The following ABCA12 variants were observed in gnomAD, a reference collection of about 807,000 sequenced individuals.
ABCA12 encodes the protein ATP binding cassette subfamily A member 12.
A neutral mutation model predicts 293.5 loss-of-function variants in ABCA12; 156 were observed. The ratio of observed to expected loss-of-function variants is 0.53; its 90% CI spans 0.47 to 0.61. The LOEUF is 0.61. Ranked by LOEUF, ABCA12 falls within the 20% of genes least tolerant of loss-of-function variation. The probability of loss-of-function intolerance (pLI) is 0.00; values close to 1 mark genes in which losing one functional copy is unlikely to be tolerated. For synonymous variants in ABCA12, 1,063 were observed against 1,108.0 expected (o/e 0.96, Z 0.81); for missense variants, 2,797 against 3,090.2 (o/e 0.91, Z 2.25).
chr2:215,052,437 A>G, intron 5 of ABCA12, 50 bp downstream of exon 5: 3 of 1,451,146 alleles, frequency 2.1e-6, no homozygotes, highest in Admixed American at 3.4e-5. Context: ...TATTAACCTA[A>G]AAGGCCTATG....
chr2:214,998,944 T>C (rs1420655594), intron 22 of ABCA12, among the ~76,000 whole-genome samples: 1 of 152,190 alleles, frequency 6.6e-6, no homozygotes, highest in East Asian at 1.9e-4. Flanking sequence ...TTTCCTTTTT[T>C]AATCTACAAG....
At chr2:215,075,687 A>G (rs1701821388) in intron 2 of ABCA12, 4 of 620,068 alleles carry the variant, frequency 6.5e-6, no homozygotes, top group South Asian at 3.8e-5. Context: ...AAATCAAAAT[A>G]TAATTTTGAT....
chr2:215,016,452 G>A (rs1219220390), intron 14 of ABCA12, among the ~76,000 whole-genome samples: 2 of 150,356 alleles, frequency 1.3e-5, no homozygotes, highest in Admixed American at 6.6e-5. Flanking sequence ...GCGTGGTGGC[G>A]GGTGCCTGTA....
At chr2:215,031,200 A>G (rs1700869934) in intron 9 of ABCA12, among the ~76,000 whole-genome samples, 1 of 152,240 alleles carries the variant, frequency 6.6e-6, no homozygotes, top group African/African-American at 2.4e-5. Flanking sequence ...AAAGTCCCAA[A>G]TTAAATTACC....
chr2:215,063,220 G>A (rs1212024942), intron 3 of ABCA12, among the ~76,000 whole-genome samples: 1 of 151,906 alleles, frequency 6.6e-6, no homozygotes, highest in African/African-American at 2.4e-5. Flanking sequence ...ATTATTTGAT[G>A]ACCAAAATAA....
At chr2:215,014,692 G>A (rs1012493941) in intron 15 of ABCA12, among the ~76,000 whole-genome samples, 2 of 152,152 alleles carry the variant, frequency 1.3e-5, no homozygotes, top group Non-Finnish European at 2.9e-5. Context: ...ATATAGGCAT[G>A]AGATGACAGT....
chr2:214,961,381 T>C (rs1699109098), intron 39 of ABCA12, among the ~76,000 whole-genome samples: 1 of 152,134 alleles, frequency 6.6e-6, no homozygotes, highest in South Asian at 2.1e-4. Context: ...CTTAATTCTT[T>C]ATGCTCTGTA....
intron 1 of ABCA12, among the ~76,000 whole-genome samples, chr2:215,112,381 T>C (rs1702590968): frequency 6.6e-6 from 1 of 150,824 alleles, no homozygotes; most frequent in African/African-American, 2.4e-5. Flanking sequence ...TGGACGTTCA[T>C]TTATGGTAGG....
intron 2 of ABCA12, among the ~76,000 whole-genome samples, chr2:215,100,341 CT>C (rs898161038): frequency 1.3e-5 from 2 of 152,156 alleles, no homozygotes; most frequent in African/African-American, 4.8e-5. Flanking sequence ...CCTTCTGCCT[CT>C]TGAAAGCCAC....
chr2:214,984,012 G>T lies in ABCA12; in HGVS notation c.4164-147C>A, dbSNP rs926711326. ...TATGAAATAAAATGGTATTTAATGG[G>T]AATAAGAAATATTACTTTTAAGTTT... On this transcript the variant is annotated intron_variant, in intron 28 of 52. Coordinates refer to ENST00000272895, the MANE Select transcript of ABCA12 (RefSeq NM_173076.3). 8 of 617,880 alleles carry T rather than the reference G, an allele frequency of 1.3e-5. No individual in the cohort carries two copies. In the African/African-American group the frequency reaches 1.3e-4, roughly 10 times the overall value. 38.3% of individuals were successfully genotyped at this position (617,880 alleles called of 1,614,324 possible). A position where few individuals can be genotyped will look rare whatever the true frequency, so the allele number is the denominator to read the frequency against.
chr2:214,956,618 T>C, intron 42 of ABCA12, 45 bp downstream of exon 42: 1 of 1,409,598 alleles, frequency 7.1e-7, no homozygotes, highest in Non-Finnish European at 1.0e-6. Flanking sequence ...TCTAGGGGCA[T>C]TTAATTCTAT....
chr2:215,026,019 G>A (rs925674691), intron 10 of ABCA12, among the ~76,000 whole-genome samples: 3 of 152,158 alleles, frequency 2.0e-5, no homozygotes, highest in African/African-American at 7.2e-5. Flanking sequence ...GTGCTCCATA[G>A]TTTTGGCTCT....
In ABCA12 at chr2:215,133,149, ATTTTTTTTTTTTTTTTTTTTTTTT is replaced by A. The variant is rs55641331; in HGVS notation, c.69+4967_69+4990del. 4.9e-4 allele frequency among the ~76,000 whole-genome samples: 17 copies of A among 34,886 alleles called. No homozygotes were observed. In the East Asian group the frequency reaches 0.023, roughly 47 times the overall value. 22.9% of individuals were successfully genotyped at this position (34,886 alleles called of 152,430 possible). On this transcript the variant is annotated intron_variant, in intron 1 of 52. Transcript: ENST00000272895. ...TGACTCTTTTCTCTAGCTGGCTTTA[ATTTTTTTTTTTTTTTTTTTTTTTT>A]TTTTTTTTTTTTTTTTAGTATGGAC... is the stretch of plus-strand genomic sequence containing the variant.
intron 30 of ABCA12, among the ~76,000 whole-genome samples, chr2:214,981,157 C>T (rs961333159): frequency 2.0e-5 from 3 of 151,528 alleles, no homozygotes; most frequent in African/African-American, 7.3e-5. Flanking sequence ...TATTTGGACG[C>T]ATTTTTTTTC....
intron 1 of ABCA12, among the ~76,000 whole-genome samples, chr2:215,130,880 C>T (rs1575063471): frequency 1.3e-5 from 2 of 151,868 alleles, no homozygotes; most frequent in Admixed American, 1.3e-4. Context: ...GTGGGTTTGT[C>T]ATATATGACT....
intron 2 of ABCA12, among the ~76,000 whole-genome samples, chr2:215,082,173 T>C (rs1701956831): frequency 6.6e-6 from 1 of 150,430 alleles, no homozygotes; most frequent in African/African-American, 2.4e-5. Context: ...GCCTCCGGAG[T>C]AGCTGGGATT....
At chr2:215,082,939 T>C (rs1182865367) in intron 2 of ABCA12, among the ~76,000 whole-genome samples, 1 of 152,242 alleles carries the variant, frequency 6.6e-6, no homozygotes, top group Admixed American at 6.5e-5. Flanking sequence ...TCCCTTCTTA[T>C]GGATTAGGGA....
At chr2:215,115,023 T>C (rs1421342282) in intron 1 of ABCA12, among the ~76,000 whole-genome samples, 5 of 152,180 alleles carry the variant, frequency 3.3e-5, no homozygotes, top group African/African-American at 1.2e-4. Context: ...AATTTGATGA[T>C]TTCATGAGGA....
intron 1 of ABCA12, among the ~76,000 whole-genome samples, chr2:215,118,591 C>T (rs2105905640): frequency 6.6e-6 from 1 of 151,588 alleles, no homozygotes; most frequent in South Asian, 2.1e-4. Context: ...TAAATATAAA[C>T]ATATATAAAA....
Sources: gnomAD v4.1 joint callset for allele counts (sites outside exome capture counted in the v4.1 genomes callset) on GRCh38, gnomAD v4.1.1 for gene constraint, MANE v1.5 for transcripts, NCBI Gene and HGNC (gene_info 2026-07-23, HGNC 2026-07-21) for gene names.